CR2: variants seen among roughly 807,000 people sequenced by gnomAD.
The protein encoded by CR2 is complement C3d receptor 2.
A neutral mutation model predicts 123.0 loss-of-function variants in CR2; 96 were observed. That is an observed-to-expected ratio of 0.78 (90% CI 0.66 to 0.93). CR2 has a LOEUF of 0.93. Among genes scored for constraint, CR2 ranks in the 40% least tolerant of loss-of-function variants. CR2 has a pLI of 0.00. For missense variants in CR2, 1,258 were observed against 1,361.0 expected, an observed-to-expected ratio of 0.92 and a Z score of 1.19; for synonymous variants, 484 against 469.5, an observed-to-expected ratio of 1.03 and a Z score of -0.40.
Position 207,478,075 on chromosome 1 carries a change from G to A in CR2, c.3088+5G>A. The A allele has an allele frequency of 6.2e-7, 1 of 1,613,126 alleles. No homozygotes were observed. The highest frequency in any genetic ancestry group is 8.5e-7 in the Non-Finnish European group (1 of 1,179,532). On this transcript the variant is annotated splice_donor_5th_base_variant and intron_variant, in intron 16 of 19. Transcript: ENST00000367057. Reference sequence around the variant, plus strand: ...CCCTGGCGGTTTGCAGATCCCGTAAGTACCAAGGGCTTCACCGCCGCTTGT... The same window carrying A: ...CCCTGGCGGTTTGCAGATCCCGTAAATACCAAGGGCTTCACCGCCGCTTGT...
chr1:207,454,344 A>G lies in CR2; in HGVS notation c.-75A>G, dbSNP rs1370783027. On this transcript the variant is annotated 5_prime_UTR_variant, in exon 1 of 20. Transcript: ENST00000367057. The surrounding 1 kb of genome is among the most constrained non-coding windows in gnomAD (Gnocchi z 4.3). ...CTGGCTCACAGCTGCTTGCTGCTCC[A>G]GCCTTGCCCTCCCAGAGCTGCCGGA... 1.5e-6 allele frequency: 2 copies of G among 1,303,372 alleles called. No individual in the cohort carries two copies. Among genetic ancestry groups the G allele is most frequent in the Non-Finnish European group, 2.1e-6 (2 of 933,318 alleles). The allele number at this position is 1,303,372 out of a possible 1,614,324, so 80.7% of individuals were successfully genotyped here. A position where few individuals can be genotyped will look rare whatever the true frequency, so the allele number is the denominator to read the frequency against.
Position 207,475,151 on chromosome 1 carries a change from G to A in CR2, c.2651G>A (p.Ser884Asn), listed in dbSNP as rs200538061. Residue 884 changes from serine to asparagine, a missense_variant, in exon 14 of 20, where the codon AGT becomes AAT. Physicochemically the swap from Ser to Asn is conservative, Grantham distance 46. Coordinates refer to ENST00000367057, the MANE Select transcript of CR2 (RefSeq NM_001006658.3). Reference protein sequence around the residue: ...DCNPGFIMNGSRVIRCHTDNT... With the variant: ...DCNPGFIMNGNRVIRCHTDNT... The stretch of plus-strand genomic sequence containing the variant: ...AATCCTGGCTTCATCATGAATGGTA[G>A]TCGCGTGATTAGGTGTCATACTGAT... The A allele has an allele frequency of 1.2e-5, 19 of 1,612,812 alleles. No homozygotes were observed.
chr1:207,485,623 C>A, intron 19 of CR2, 51 bp downstream of exon 19: 1 of 1,089,324 alleles, frequency 9.2e-7, no homozygotes, highest in Non-Finnish European at 1.4e-6. Flanking sequence ...TTTCCTTCAA[C>A]TTGTATTTAT....
intron 1 of CR2, among the ~76,000 whole-genome samples, chr1:207,463,156 A>G (rs1248304810): frequency 6.6e-6 from 1 of 152,194 alleles, no homozygotes; most frequent in Admixed American, 6.5e-5. Flanking sequence ...TGTGAGTCAT[A>G]GAGAACTCCT....
At chr1:207,487,524 T>G (rs1658783048) in intron 19 of CR2, among the ~76,000 whole-genome samples, 1 of 152,140 alleles carries the variant, frequency 6.6e-6, no homozygotes, top group South Asian at 2.1e-4. Flanking sequence ...TAAGAGAGAA[T>G]GAAAGGAGAG....
Position 207,485,502 on chromosome 1 carries a change from A to G in CR2, c.3227A>G (p.His1076Arg). ...YTDTSQKEAF[H>R]LEAREVYSVD... ...GATACAAGCCAGAAAGAAGCTTTTC[A>G]TTTAGAAGCACGAGAAGTATATTCT... The change falls in exon 19 of 20, where the codon CAT becomes CGT. Residue 1076 changes from histidine (H) to arginine (R), a missense_variant. Physicochemically the swap from His to Arg is conservative, Grantham distance 29 (BLOSUM62 0). Transcript: ENST00000367057. 1 of 1,613,520 alleles carries G rather than the reference A, an allele frequency of 6.2e-7. No individual in the cohort carries two copies. Among genetic ancestry groups the G allele is most frequent in the South Asian group, 1.1e-5 (1 of 91,056 alleles).
chr1:207,486,346 G>A (rs75573330), intron 19 of CR2, among the ~76,000 whole-genome samples: 7,097 of 152,060 alleles, frequency 0.047, 543 homozygotes, highest in African/African-American at 0.16. Flanking sequence ...CTGTGTTGGC[G>A]GCACAGCAAG....
In CR2 at chr1:207,468,823, C is replaced by T. The variant is rs141472681; in HGVS notation, c.658C>T (p.Arg220Ter). The change falls in exon 4 of 20, where the codon CGA becomes TGA. Residue 220 changes from arginine to a stop codon, truncating the protein, a stop_gained. Coordinates refer to ENST00000367057, the MANE Select transcript of CR2 (RefSeq NM_001006658.3). LOFTEE classifies it high-confidence loss of function. ...CEEARCKSLG[R>*]FPNGKVKEPP... ...AGAGGCACGCTGTAAATCTCTAGGA[C>T]GATTTCCCAATGGGAAGGTAAAGGA... 3.8e-5 allele frequency: 62 copies of T among 1,613,838 alleles called. No homozygotes were observed. Among genetic ancestry groups the T allele is most frequent in the Non-Finnish European group, 4.6e-5 (54 of 1,179,934 alleles).
chr1:207,467,680 A>G (rs1429585049), intron 2 of CR2, among the ~76,000 whole-genome samples: 3 of 152,214 alleles, frequency 2.0e-5, no homozygotes, highest in African/African-American at 7.2e-5. Flanking sequence ...TTATTGATTG[A>G]TTGATTGATA....
At chr1:207,472,744 A>T (rs779357003) in intron 9 of CR2, 28 bp from the exon 10 acceptor site, 13 of 1,609,728 alleles carry the variant, frequency 8.1e-6, no homozygotes, top group Non-Finnish European at 1.1e-5. Context: ...CAGGAACTCA[A>T]TTCTACAGTA....
intron 18 of CR2, among the ~76,000 whole-genome samples, chr1:207,484,600 G>A (rs1015994646): frequency 5.3e-5 from 8 of 152,220 alleles, no homozygotes; most frequent in East Asian, 1.9e-4. Context: ...TCCTGTACAC[G>A]GAACTCTTCA....
At chr1:207,485,652 C>A in intron 19 of CR2, 80 bp downstream of exon 19, 1 of 804,094 alleles carries the variant, frequency 1.2e-6, no homozygotes, top group Non-Finnish European at 2.2e-6. Flanking sequence ...GTAGCATTCA[C>A]GGTGTATATA....
rs543157453 is a variant in CR2, at chr1:207,486,190, C to A, written c.*18+618C>A. Among the ~76,000 whole-genome samples the A allele has an allele frequency of 9.6e-3, 1,352 of 141,536 alleles. 22 individuals carry two copies. Among genetic ancestry groups the A allele is most frequent in the African/African-American group, 0.034 (1,266 of 37,024 alleles). 92.9% of individuals were successfully genotyped at this position (141,536 alleles called of 152,430 possible). On this transcript the variant is annotated intron_variant, in intron 19 of 19. Transcript: ENST00000367057. ...AGGTTGCAGTGAGCCAAGACTGCGC[C>A]ACTGTACCCCAGCCTGGACAACAGA...
chr1:207,455,332 C>T (rs973474776), intron 1 of CR2, among the ~76,000 whole-genome samples: 1 of 152,228 alleles, frequency 6.6e-6, no homozygotes, highest in African/African-American at 2.4e-5. Context: ...GCTCCCTGAT[C>T]TTCAGTTTCT....
At chr1:207,486,252 A>AAAAAAAAAAAAAAAAAAAAC (rs1658747652) in intron 19 of CR2, among the ~76,000 whole-genome samples, 1 of 145,944 alleles carries the variant, frequency 6.9e-6, no homozygotes, top group African/African-American at 2.6e-5. Flanking sequence ...AAAAAAAAAA[A>AAAAAAAAAAAAAAAAAAAAC]AAAAGCCAGC....
chr1:207,476,457 A>G (rs2102308776), intron 15 of CR2, 38 bp downstream of exon 15: 2 of 1,572,494 alleles, frequency 1.3e-6, no homozygotes, highest in African/African-American at 1.4e-5. Context: ...TTTATATCAA[A>G]TTTGTGCCAA....
At chr1:207,471,388 T>C in intron 8 of CR2, 35 bp from the exon 9 acceptor site, 1 of 1,527,852 alleles carries the variant, frequency 6.5e-7, no homozygotes, top group African/African-American at 1.4e-5. Context: ...AATGGTCACC[T>C]GATGGCAAAA....
intron 1 of CR2, 72 bp from the exon 2 acceptor site, chr1:207,466,454 A>G (rs1361757557): frequency 6.5e-7 from 1 of 1,545,744 alleles, no homozygotes; most frequent in East Asian, 2.2e-5. Context: ...CTATATTTGG[A>G]TATTTTACCT....
intron 19 of CR2, among the ~76,000 whole-genome samples, chr1:207,487,582 T>C (rs1203416233): frequency 6.6e-6 from 1 of 152,138 alleles, no homozygotes; most frequent in Non-Finnish European, 1.5e-5. Context: ...TTTTTTTCTA[T>C]AAAAAGGAGC....
Sources: gnomAD v4.1 joint callset for allele counts (sites outside exome capture counted in the v4.1 genomes callset) on GRCh38, gnomAD v4.1.1 for gene constraint, Gnocchi (gnomAD v3.1) non-coding constraint, MANE v1.5 for transcripts, NCBI Gene and HGNC (gene_info 2026-07-23, HGNC 2026-07-21) for gene names.